Variants in P2RX3 observed in about 807,000 individuals in gnomAD.
P2RX3 encodes purinergic receptor P2X 3.
Under a neutral mutation model 51.5 loss-of-function variants are expected in P2RX3, and 41 were observed. The observed-to-expected ratio is 0.80, with a 90% CI of 0.62 to 1.03. P2RX3 has a LOEUF of 1.03. Among genes scored for constraint, P2RX3 ranks in the 50% least tolerant of loss-of-function variants. The probability of loss-of-function intolerance (pLI) is 0.00; values close to 1 mark genes in which losing one functional copy is unlikely to be tolerated. For synonymous variants in P2RX3, 185 were observed against 191.6 expected, an observed-to-expected ratio of 0.97 and a Z score of 0.29; for missense variants, 459 against 522.1, an observed-to-expected ratio of 0.88 and a Z score of 1.18.
intron 1 of P2RX3, among the ~76,000 whole-genome samples, chr11:57,345,285 C>CA (rs1348679563): frequency 2.6e-5 from 4 of 152,214 alleles, no homozygotes; most frequent in African/African-American, 9.7e-5. Flanking sequence ...AAAATGCCCT[C>CA]ACCCAGCATT....
At position 57,344,316 on chromosome 11, in the gene P2RX3, T is replaced by A. The variant is rs150167736; in HGVS notation, c.120-2228T>A. Reference sequence around the variant, plus strand: ...TAAATATGTGAGGTAGTAAATATGATCATTAGCATGACATAATCATTCCAC... The same window carrying A: ...TAAATATGTGAGGTAGTAAATATGAACATTAGCATGACATAATCATTCCAC... On this transcript the variant is annotated intron_variant, in intron 1 of 11. Transcript: ENST00000263314. Among the ~76,000 whole-genome samples, 186 of 152,284 alleles carry A rather than the reference T, an allele frequency of 1.2e-3. 1 individual carries two copies. The highest frequency in any genetic ancestry group is 1.9e-3 in the Non-Finnish European group (132 of 68,028).
chr11:57,370,882 A>G lies in P2RX3; in HGVS notation c.*885A>G, dbSNP rs1039146833. On this transcript the variant is annotated 3_prime_UTR_variant, in exon 12 of 12. Transcript: ENST00000263314. ...CTGTCGTAGGCTGGGACCCTGTTCC[A>G]GGAGTTCAGCAGTCCTCATTTACAA... Among the ~76,000 whole-genome samples, 2 of 152,214 alleles carry G rather than the reference A, an allele frequency of 1.3e-5. No homozygotes were observed. Among genetic ancestry groups the G allele is most frequent in the African/African-American group, 4.8e-5 (2 of 41,454 alleles).
Position 57,338,514 on chromosome 11 carries a change from G to C in P2RX3, c.-37G>C. The C allele has an allele frequency of 6.7e-7, 1 of 1,483,692 alleles. No individual in the cohort carries two copies. The highest frequency in any genetic ancestry group is 9.3e-7 in the Non-Finnish European group (1 of 1,073,388). 91.9% of individuals were successfully genotyped at this position (1,483,692 alleles called of 1,614,324 possible). A position where few individuals can be genotyped will look rare whatever the true frequency, so the allele number is the denominator to read the frequency against. Reference sequence around the variant, plus strand: ...CCTCCCTCTCCTGAGGCCACCACTGGGCCCCCTTCTGAGTGTCCCCTGAGC... The same window carrying C: ...CCTCCCTCTCCTGAGGCCACCACTGCGCCCCCTTCTGAGTGTCCCCTGAGC... On this transcript the variant is annotated 5_prime_UTR_variant, in exon 1 of 12. Transcript: ENST00000263314.
At chr11:57,358,304 C>T (rs1856662051) in intron 8 of P2RX3, among the ~76,000 whole-genome samples, 1 of 152,158 alleles carries the variant, frequency 6.6e-6, no homozygotes, top group African/African-American at 2.4e-5. Flanking sequence ...GTAGGGAGAA[C>T]TTTGAAGGTC....
intron 10 of P2RX3, 36 bp from the exon 11 acceptor site, chr11:57,369,325 C>T: frequency 6.3e-7 from 1 of 1,594,796 alleles, no homozygotes; most frequent in Non-Finnish European, 8.6e-7. Flanking sequence ...CAACCCAGGG[C>T]ACCCCTCGGA....
At chr11:57,356,291 GA>G (rs137902589) in intron 8 of P2RX3, among the ~76,000 whole-genome samples, 1,597 of 151,192 alleles carry the variant, frequency 0.011, 12 homozygotes, top group Middle Eastern at 0.027. Context: ...CAAAAAAGGG[GA>G]AAAAAAAATA....
At position 57,348,161 on chromosome 11, in the gene P2RX3, T is replaced by G; in HGVS notation, c.392-9T>G. On this transcript the variant is annotated splice_polypyrimidine_tract_variant and intron_variant, in intron 4 of 11. Coordinates refer to ENST00000263314, the MANE Select transcript of P2RX3 (RefSeq NM_002559.5). ...GGCAGCCACCCAGCAGCTGTGGCTC[T>G]CACTTTAGGGATCCTCACTGGCCGC... The G allele has an allele frequency of 1.3e-6, 2 of 1,571,250 alleles. No homozygotes were observed. The highest frequency in any genetic ancestry group is 1.7e-6 in the Non-Finnish European group (2 of 1,156,830).
intron 1 of P2RX3, among the ~76,000 whole-genome samples, chr11:57,344,024 C>T (rs1856388608): frequency 6.6e-6 from 1 of 151,514 alleles, no homozygotes; most frequent in Non-Finnish European, 1.5e-5. Flanking sequence ...AACCCCTCCC[C>T]TTCCAAAAAA....
In P2RX3 at chr11:57,346,813, C is replaced by T. The variant is rs545408412; in HGVS notation, c.255+134C>T. On this transcript the variant is annotated intron_variant, in intron 2 of 11. Coordinates refer to ENST00000263314, the MANE Select transcript of P2RX3 (RefSeq NM_002559.5). ...ATGTCACTGATCCAGAGGACCTCTC[C>T]CCCAGCAGCTGAGAGCTGTGTGAGA... The T allele has an allele frequency of 1.1e-4, 142 of 1,307,264 alleles. 1 individual carries two copies. The East Asian group carries it at 3.3e-3, about 30-fold the overall frequency. The allele number at this position is 1,307,264 out of a possible 1,614,324, so 81.0% of individuals were successfully genotyped here.
intron 8 of P2RX3, among the ~76,000 whole-genome samples, chr11:57,366,313 C>T (rs1856795882): frequency 6.6e-6 from 1 of 152,196 alleles, no homozygotes; most frequent in Admixed American, 6.5e-5. Context: ...CTCCTCCCCA[C>T]CATAGGCATC....
Position 57,347,390 on chromosome 11 carries a change from C to T in P2RX3, c.328-25C>T, listed in dbSNP as rs373320058. On this transcript the variant is annotated intron_variant, in intron 3 of 11. Transcript: ENST00000263314. ...ACCAGGCCAGGACAGTGTCCTTCAC[C>T]AACCTGTGACCCGTCTGCCCACAGA... is the stretch of plus-strand genomic sequence containing the variant. 20 of 1,555,200 alleles carry T rather than the reference C, an allele frequency of 1.3e-5. No homozygotes were observed. The African/African-American group carries it at 2.0e-4, about 16-fold the overall frequency.
At chr11:57,342,523 C>T (rs534751417) in intron 1 of P2RX3, among the ~76,000 whole-genome samples, 1 of 152,156 alleles carries the variant, frequency 6.6e-6, no homozygotes, top group Admixed American at 6.5e-5. Context: ...CCTGCCTGCC[C>T]TCTCCCCCAA....
At chr11:57,343,095 T>C (rs1315060510) in intron 1 of P2RX3, among the ~76,000 whole-genome samples, 1 of 152,184 alleles carries the variant, frequency 6.6e-6, no homozygotes, top group Non-Finnish European at 1.5e-5. Flanking sequence ...CCTCAGCCCC[T>C]CCGTTCTGGA....
chr11:57,343,527 C>G (rs1856379222), intron 1 of P2RX3, among the ~76,000 whole-genome samples: 1 of 152,228 alleles, frequency 6.6e-6, no homozygotes. Context: ...AGTTAGCACC[C>G]TCTCTGTGCC....
chr11:57,347,651 C>T (rs1038896062), intron 4 of P2RX3, among the ~76,000 whole-genome samples, 173 bp downstream of exon 4: 1 of 152,200 alleles, frequency 6.6e-6, no homozygotes, highest in African/African-American at 2.4e-5. Context: ...GGCATGGCCC[C>T]TGCCCCCAGA....
chr11:57,350,893 C>G lies in P2RX3; in HGVS notation c.837C>G (p.Asn279Lys). The change falls in exon 8 of 12, where the codon AAC becomes AAG. Residue 279 changes from asparagine to lysine, a missense_variant. Coordinates refer to ENST00000263314, the MANE Select transcript of P2RX3 (RefSeq NM_002559.5). Reference protein sequence around the residue: ...SEKSSVSPGYNFRFAKYYKME... With the variant: ...SEKSSVSPGYKFRFAKYYKME... Reference sequence around the variant, plus strand: ...AAAGCAGCGTGTCCCCAGGCTACAACTTCAGGTAATTCCCTGTCTCCTGGG... The same window carrying G: ...AAAGCAGCGTGTCCCCAGGCTACAAGTTCAGGTAATTCCCTGTCTCCTGGG... 1.2e-6 allele frequency: 2 copies of G among 1,614,132 alleles called. No homozygotes were observed. Among genetic ancestry groups the G allele is most frequent in the Non-Finnish European group, 1.7e-6 (2 of 1,180,020 alleles).
In P2RX3 at chr11:57,371,793, C is replaced by A. The variant is rs893251657; in HGVS notation, c.*1796C>A. On this transcript the variant is annotated 3_prime_UTR_variant, in exon 12 of 12. Coordinates refer to ENST00000263314, the MANE Select transcript of P2RX3 (RefSeq NM_002559.5). ...AGCACCACATTCTCCACCTGGGACT[C>A]CCCCAGGCATCCCTGGGGAATTCAG... Among the ~76,000 whole-genome samples the A allele has an allele frequency of 6.6e-6, 1 of 152,146 alleles. No homozygotes were observed. The highest frequency in any genetic ancestry group is 1.5e-5 in the Non-Finnish European group (1 of 68,012).
In P2RX3 at chr11:57,351,315, G is replaced by A. The variant is rs1423555428; in HGVS notation, c.842+417G>A. On this transcript the variant is annotated intron_variant, in intron 8 of 11. Transcript: ENST00000263314. ...CTCTACAAAGTAAGGGTGATAACTG[G>A]TATCATTTTACATTTTACAAGATGG... Among the ~76,000 whole-genome samples the A allele has an allele frequency of 3.9e-5, 6 of 152,184 alleles. No homozygotes were observed. In the South Asian group the frequency reaches 1.2e-3, roughly 31 times the overall value.
At position 57,349,298 on chromosome 11, in the gene P2RX3, CAAAAAA is replaced by C. The variant is rs34340558; in HGVS notation, c.564-446_564-441del. 3.3e-5 allele frequency among the ~76,000 whole-genome samples: 4 copies of C among 122,660 alleles called. No homozygotes were observed. The South Asian group carries it at 8.0e-4, about 25-fold the overall frequency. 80.5% of individuals were successfully genotyped at this position (122,660 alleles called of 152,430 possible). On this transcript the variant is annotated intron_variant, in intron 6 of 11. Coordinates refer to ENST00000263314, the MANE Select transcript of P2RX3 (RefSeq NM_002559.5). Reference sequence around the variant, plus strand: ...CAACATGGTGAAACCCTGTCTGTACCAAAAAAAAAAAAAAAAAATTAGCCAGGCGCC... The same window carrying C: ...CAACATGGTGAAACCCTGTCTGTACCAAAAAAAAAAAATTAGCCAGGCGCC...
Sources: allele counts gnomAD v4.1 joint callset (sites outside exome capture counted in the v4.1 genomes callset), GRCh38; gene constraint gnomAD v4.1.1; transcripts MANE v1.5; gene names NCBI Gene and HGNC (gene_info 2026-07-23, HGNC 2026-07-21).